The following MCF2L variants were observed in gnomAD, a reference collection of about 807,000 sequenced individuals.
MCF2L encodes guanine nucleotide exchange factor DBS.
Under a neutral mutation model 153.4 loss-of-function variants are expected in MCF2L, and 97 were observed. The ratio of observed to expected loss-of-function variants is 0.63; its 90% CI spans 0.54 to 0.75. The LOEUF (loss-of-function observed/expected upper bound fraction) is 0.75. Among genes scored for constraint, MCF2L ranks in the 30% least tolerant of loss-of-function variants. The pLI, the probability that MCF2L is intolerant of heterozygous loss-of-function variation, is 0.00. For synonymous variants in MCF2L, 659 were observed against 632.2 expected (o/e 1.04, Z -0.64); for missense variants, 1,347 against 1,495.2 (o/e 0.90, Z 1.64).
chr13:113,090,946 C>G, intron 26 of MCF2L: 1 of 1,204,586 alleles, frequency 8.3e-7, no homozygotes, highest in Non-Finnish European at 1.1e-6. Flanking sequence ...TCCTTCACTG[C>G]GCGGCCCCTC....
intron 1 of MCF2L, chr13:113,001,996 C>T (rs771697478): frequency 1.3e-4 from 202 of 1,561,882 alleles, no homozygotes; most frequent in Non-Finnish European, 1.6e-4. Context: ...GCGTGGGGCG[C>T]GGGCGGGTCC....
Position 112,970,641 on chromosome 13 carries a change from G to A in MCF2L, c.79+1183G>A, listed in dbSNP as rs140118859. ...CTTCCGATCGGCTGTGGGGGTGGAG[G>A]AGAAAGCCCCCCTTGCTCTGCATGC... is the stretch of plus-strand genomic sequence containing the variant. On this transcript the variant is annotated intron_variant, in intron 1 of 29. Transcript: ENST00000535094. Among the ~76,000 whole-genome samples, 293 of 152,192 alleles carry A rather than the reference G, an allele frequency of 1.9e-3. 1 individual carries two copies. The highest frequency in any genetic ancestry group is 3.3e-3 in the Non-Finnish European group (226 of 68,006).
intron 2 of MCF2L, among the ~76,000 whole-genome samples, chr13:112,946,393 CTTTG>C (rs1185622355): frequency 6.6e-6 from 1 of 152,062 alleles, no homozygotes; most frequent in Admixed American, 6.5e-5. Flanking sequence ...AAACGTATTG[CTTTG>C]TTTAATTTTT....
rs573811816 is a variant in MCF2L, at chr13:113,005,371, G to A, written c.80-9392G>A. Among the ~76,000 whole-genome samples, 13 of 152,346 alleles carry A rather than the reference G, an allele frequency of 8.5e-5. No individual in the cohort carries two copies. In the South Asian group the frequency reaches 1.9e-3, roughly 22 times the overall value. On this transcript the variant is annotated intron_variant, in intron 1 of 29. Coordinates refer to ENST00000535094, the MANE Select transcript of MCF2L (RefSeq NM_001112732.3). ...GGGGAAGCCTGGGGAGATGCTGGCC[G>A]GAGGACACAGAGTTTCCGTTGTGCC...
chr13:113,014,290 G>A (rs1447830710), intron 1 of MCF2L, among the ~76,000 whole-genome samples: 6 of 152,240 alleles, frequency 3.9e-5, no homozygotes, highest in Non-Finnish European at 8.8e-5. Flanking sequence ...TCCTGTGTGT[G>A]CGGAGGCAGA....
intron 2 of MCF2L, among the ~76,000 whole-genome samples, chr13:112,910,808 G>A (rs142123595): frequency 1.3e-3 from 201 of 152,360 alleles, no homozygotes; most frequent in Admixed American, 4.2e-3. Context: ...TCACCTTCCT[G>A]GTGGCTGTCT....
chr13:112,938,196 G>T (rs2081540874), intron 2 of MCF2L, among the ~76,000 whole-genome samples: 2 of 134,336 alleles, frequency 1.5e-5, no homozygotes, highest in African/African-American at 5.6e-5. Context: ...TGAGGGGTTG[G>T]TTCAGGTGAG....
chr13:112,911,057 G>A (rs576082370), intron 2 of MCF2L, among the ~76,000 whole-genome samples: 1 of 152,336 alleles, frequency 6.6e-6, no homozygotes, highest in South Asian at 2.1e-4. Flanking sequence ...CCTGGGACCT[G>A]GCCGCTCCCC....
In MCF2L at chr13:113,053,146, C is replaced by T. The variant is rs1266448679; in HGVS notation, c.370-7447C>T. Among the ~76,000 whole-genome samples, 3 of 152,182 alleles carry T rather than the reference C, an allele frequency of 2.0e-5. No individual in the cohort carries two copies. The highest frequency in any genetic ancestry group is 2.9e-5 in the Non-Finnish European group (2 of 68,036). On this transcript the variant is annotated intron_variant, in intron 4 of 29. Transcript: ENST00000535094. This position sits in a 1 kb window ranked among gnomAD's most constrained non-coding sequence, Gnocchi z 4.4. Reference sequence around the variant, plus strand: ...GAGCTGCCCTCTGCATAACCACAGGCGAGTCTGCATCGCGGCCACACTGCC... The same window carrying T: ...GAGCTGCCCTCTGCATAACCACAGGTGAGTCTGCATCGCGGCCACACTGCC...
chr13:113,064,283 C>G lies in MCF2L; in HGVS notation c.490-21C>G, dbSNP rs746270038. 17 of 1,540,584 alleles carry G rather than the reference C, an allele frequency of 1.1e-5. No homozygotes were observed. In the South Asian group the frequency reaches 1.5e-4, roughly 13 times the overall value. On this transcript the variant is annotated intron_variant, in intron 5 of 29. Transcript: ENST00000535094. This position sits in a 1 kb window ranked among gnomAD's most constrained non-coding sequence, Gnocchi z 6.0. ...CCAACAATAATCCCAAACACTACCA[C>G]GCATTCCCTTTCTCCTCCAGGTCAT...
chr13:113,013,967 T>C (rs998052125), intron 1 of MCF2L, among the ~76,000 whole-genome samples: 2 of 148,110 alleles, frequency 1.4e-5, no homozygotes, highest in African/African-American at 5.1e-5. Flanking sequence ...TCCGAGCTGA[T>C]GCTGGCCTAG....
chr13:113,092,223 G>A (rs963112761), intron 26 of MCF2L, among the ~76,000 whole-genome samples: 7 of 152,256 alleles, frequency 4.6e-5, no homozygotes, highest in Admixed American at 1.3e-4. Context: ...GCCAAATGCC[G>A]CTTCTGCTGC....
rs1303053161 is a variant in MCF2L at position 112,907,311 on chromosome 13, G to A, written c.169+4940G>A. 6.6e-6 allele frequency among the ~76,000 whole-genome samples: 1 copy of A among 152,174 alleles called. No homozygotes were observed. Among genetic ancestry groups the A allele is most frequent in the Non-Finnish European group, 1.5e-5 (1 of 68,032 alleles). ...GGAGCTGAAAATGTACTTTGGGGAAGGGGAAAATGACCACAAGAAACAGAT... is the reference window on the plus strand; with the variant it reads ...GGAGCTGAAAATGTACTTTGGGGAAAGGGAAAATGACCACAAGAAACAGAT... On this transcript the variant is annotated intron_variant, in intron 2 of 29. Coordinates refer to the MCF2L transcript ENST00000375608. This position sits in a 1 kb window ranked among gnomAD's most constrained non-coding sequence, Gnocchi z 5.1.
chr13:113,076,420 A>C, intron 12 of MCF2L, among the ~76,000 whole-genome samples: 1 of 152,030 alleles, frequency 6.6e-6, no homozygotes. Flanking sequence ...GCCCACCACC[A>C]AGCCTGGCTA....
Position 113,066,051 on chromosome 13 carries a change from T to C in MCF2L, c.762T>C (p.Asp254=). Residue 254 remains aspartate (D), a synonymous_variant, in exon 8 of 30, where the codon GAT becomes GAC. Coordinates refer to ENST00000535094, the MANE Select transcript of MCF2L (RefSeq NM_001112732.3). ...HTEKKDKAKE[D]LRLALKEGHS... is the part of the protein sequence containing the mutation. ...AGGCTGCATTCTCTCCACAGGAGGA[T>C]TTGAGGCTGGCACTGAAAGAGGGGC... 6.2e-7 allele frequency: 1 copy of C among 1,612,976 alleles called. No individual in the cohort carries two copies. The highest frequency in any genetic ancestry group is 8.5e-7 in the Non-Finnish European group (1 of 1,179,834).
intron 2 of MCF2L, among the ~76,000 whole-genome samples, chr13:112,958,870 C>G (rs2081790449): frequency 6.6e-6 from 1 of 152,166 alleles, no homozygotes; most frequent in South Asian, 2.1e-4. Context: ...CCCTCCCGCA[C>G]AGGGTCTGGA....
rs1218527852 is a variant in MCF2L at position 113,074,324 on chromosome 13, T to C, written c.997-120T>C. 5.4e-6 allele frequency: 7 copies of C among 1,301,562 alleles called. No homozygotes were observed. The highest frequency in any genetic ancestry group is 2.9e-5 in the African/African-American group (2 of 68,692). 80.6% of individuals were successfully genotyped at this position (1,301,562 alleles called of 1,614,324 possible). On this transcript the variant is annotated intron_variant, in intron 9 of 29. Coordinates refer to ENST00000535094, the MANE Select transcript of MCF2L (RefSeq NM_001112732.3). The surrounding 1 kb of genome is among the most constrained non-coding windows in gnomAD (Gnocchi z 4.2). Reference sequence around the variant, plus strand: ...CTGTCTGACTGTGGTCCCTGCTTGATTGATGACCACTTGGCCCGACTTTGA... The same window carrying C: ...CTGTCTGACTGTGGTCCCTGCTTGACTGATGACCACTTGGCCCGACTTTGA...
intron 1 of MCF2L, among the ~76,000 whole-genome samples, chr13:113,000,100 G>A (rs548571871): frequency 1.1e-4 from 17 of 152,306 alleles, no homozygotes; most frequent in Admixed American, 7.8e-4. Context: ...CCATGATGCC[G>A]TGGCCTCCCC....
chr13:113,001,645 G>A, intron 1 of MCF2L: 1 of 1,295,238 alleles, frequency 7.7e-7, no homozygotes. Flanking sequence ...CCGGGGCTCA[G>A]CTGTCGCCAG....
Sources: gnomAD v4.1 joint callset for allele counts (sites outside exome capture counted in the v4.1 genomes callset) on GRCh38, gnomAD v4.1.1 for gene constraint, Gnocchi (gnomAD v3.1) non-coding constraint, MANE v1.5 for transcripts, NCBI Gene and HGNC (gene_info 2026-07-23, HGNC 2026-07-21) for gene names.